WDR74: variants seen among roughly 807,000 people sequenced by gnomAD.
WDR74 encodes WD repeat-containing protein 74.
A neutral mutation model predicts 45.6 loss-of-function variants in WDR74; 31 were observed. That is an observed-to-expected ratio of 0.68 (90% CI 0.51 to 0.92). The LOEUF is 0.92. Ranked by LOEUF, WDR74 falls within the 40% of genes least tolerant of loss-of-function variation. WDR74 has a pLI of 0.00. For synonymous variants in WDR74, 191 were observed against 192.4 expected, an observed-to-expected ratio of 0.99 and a Z score of 0.06; for missense variants, 455 against 497.2, an observed-to-expected ratio of 0.92 and a Z score of 0.81.
intron 8 of WDR74, 37 bp from the exon 9 acceptor site, chr11:62,833,974 G>A: frequency 6.2e-7 from 1 of 1,604,412 alleles, no homozygotes; most frequent in Non-Finnish European, 8.5e-7. Context: ...TAACTGGCTG[G>A]CCAATAACCA....
intron 8 of WDR74, 33 bp downstream of exon 8, chr11:62,834,243 T>TGA: frequency 6.2e-7 from 1 of 1,613,794 alleles, no homozygotes; most frequent in African/African-American, 1.3e-5. Flanking sequence ...TCCCTGCTCC[T>TGA]TCCTTTCCCC....
chr11:62,835,255 C>G (rs2084941065), intron 6 of WDR74, 176 bp downstream of exon 6: 1 of 610,910 alleles, frequency 1.6e-6, no homozygotes, highest in East Asian at 2.8e-5. Flanking sequence ...GAAACTCCAC[C>G]CTAGAATACA....
At chr11:62,838,341 G>A (rs2084989333) in intron 3 of WDR74, among the ~76,000 whole-genome samples, 1 of 151,598 alleles carries the variant, frequency 6.6e-6, no homozygotes, top group Non-Finnish European at 1.5e-5. Flanking sequence ...TTTTAGTAGA[G>A]AAGGGGTTTT....
rs746199182 is a variant in WDR74, at chr11:62,835,419, G to A, written c.618+12C>T. 5.6e-6 allele frequency: 9 copies of A among 1,612,150 alleles called. No individual in the cohort carries two copies. The highest frequency in any genetic ancestry group is 1.3e-5 in the African/African-American group (1 of 74,866). ...TATCCCAGGAGAAGGCAGGTGTGAG[G>A]TGACACCTTACCTGGTGGTACCCTG... On this transcript the variant is annotated intron_variant, in intron 6 of 10. Coordinates refer to ENST00000278856, the MANE Select transcript of WDR74 (RefSeq NM_001369450.1).
chr11:62,841,772 T>A (rs2085067048), upstream of WDR74: 1 of 152,332 alleles, frequency 6.6e-6, no homozygotes, highest in Non-Finnish European at 1.5e-5. Flanking sequence ...TAAGAACAGA[T>A]ACTACACTTG....
chr11:62,832,974 C>A lies in WDR74; in HGVS notation c.1136G>T (p.Arg379Leu). 1 of 1,606,642 alleles carries A rather than the reference C, an allele frequency of 6.2e-7. No individual in the cohort carries two copies. Among genetic ancestry groups the A allele is most frequent in the South Asian group, 1.1e-5 (1 of 90,358 alleles). ...GCGTCAGGGGCTGGTGGACCCAGGC[C>A]GCTTCTTCTTTCTCCGTCTCGTTTG... is the stretch of plus-strand genomic sequence containing the variant. ...ALQTRRRKKK[R>L]PGSTSP is the part of the protein sequence containing the mutation. The change falls in exon 11 of 11, where the codon CGG becomes CTG. Residue 379 changes from arginine (R) to leucine (L), a missense_variant. Transcript: ENST00000278856.
At chr11:62,834,776 A>C in intron 6 of WDR74, 1 of 500,294 alleles carries the variant, frequency 2.0e-6, no homozygotes, top group Non-Finnish European at 3.6e-6. Context: ...CCATCCCCCC[A>C]TACTCCCATC....
At chr11:62,841,678 G>T (rs538935251), upstream of WDR74, 1 of 152,050 alleles carries the variant, frequency 6.6e-6, no homozygotes, top group Non-Finnish European at 1.5e-5. Flanking sequence ...AGTGGACGGA[G>T]CAAGCTCCTA....
At chr11:62,837,644 A>C (rs2084979077) in intron 3 of WDR74, among the ~76,000 whole-genome samples, 1 of 151,938 alleles carries the variant, frequency 6.6e-6, no homozygotes, top group African/African-American at 2.4e-5. Flanking sequence ...GAATACCCTT[A>C]TCCCCTTCTC....
upstream of WDR74, chr11:62,841,696 T>G (rs563306352): frequency 6.6e-6 from 1 of 152,208 alleles, no homozygotes; most frequent in Non-Finnish European, 1.5e-5. Context: ...CTATTCCATC[T>G]CCTATTTCCA....
At chr11:62,836,253 G>C in intron 3 of WDR74, 2 of 513,658 alleles carry the variant, frequency 3.9e-6, no homozygotes, top group Admixed American at 3.2e-5. Flanking sequence ...GGGCTTGACA[G>C]CTTCCAGCTT....
upstream of WDR74, chr11:62,841,512 G>A (rs17157579): frequency 1.1e-4 from 16 of 152,186 alleles, no homozygotes; most frequent in Non-Finnish European, 1.5e-4. Flanking sequence ...CAACACACTA[G>A]CGATAAAAAC....
chr11:62,839,443 C>G lies in WDR74; in HGVS notation c.65-15G>C. The G allele has an allele frequency of 6.2e-7, 1 of 1,613,534 alleles. No homozygotes were observed. ...AAGATTTACCCCTGAGAGACGAAGGCGTCAGTCACGCCAGGGGCGCGAGTG... is the reference window on the plus strand; with the variant it reads ...AAGATTTACCCCTGAGAGACGAAGGGGTCAGTCACGCCAGGGGCGCGAGTG... On this transcript the variant is annotated splice_polypyrimidine_tract_variant and intron_variant, in intron 1 of 10. Transcript: ENST00000278856.
chr11:62,839,471 C>A (rs1198620999), intron 1 of WDR74, 36 bp downstream of exon 1: 6 of 1,613,634 alleles, frequency 3.7e-6, no homozygotes, highest in Non-Finnish European at 3.4e-6. Flanking sequence ...CGCGAGTGCA[C>A]CCCTGCACTT....
chr11:62,834,218 G>A (rs1187759384), intron 8 of WDR74, 58 bp downstream of exon 8: 5 of 1,611,202 alleles, frequency 3.1e-6, no homozygotes, highest in African/African-American at 1.3e-5. Flanking sequence ...ACCTTAGAGG[G>A]AATCCTGACC....
Position 62,839,528 on chromosome 11 carries a change from T to G in WDR74, c.43A>C (p.Thr15Pro). The G allele has an allele frequency of 6.2e-7, 1 of 1,613,588 alleles. No homozygotes were observed. Among genetic ancestry groups the G allele is most frequent in the Non-Finnish European group, 8.5e-7 (1 of 1,179,832 alleles). The change falls in exon 1 of 11, where the codon ACC becomes CCC. Residue 15 changes from threonine to proline, a missense_variant. By Grantham distance (38) the Thr-to-Pro change is conservative. Coordinates refer to ENST00000278856, the MANE Select transcript of WDR74 (RefSeq NM_001369450.1). ...CCACCTTTCAAGATCCCAGTCTCGG[T>G]GCCGACCCACACATGGTTCCAGCGT... The part of the protein sequence containing the change: ...AARWNHVWVG[T>P]ETGILKGVNL...
chr11:62,841,563 T>A (rs868532293), upstream of WDR74: 1 of 152,114 alleles, frequency 6.6e-6, no homozygotes, highest in Non-Finnish European at 1.5e-5. Flanking sequence ...ACTATTTAGC[T>A]TGTACCCTAA....
chr11:62,834,068 T>C (rs2084921611), intron 8 of WDR74, 131 bp from the exon 9 acceptor site: 5 of 1,452,094 alleles, frequency 3.4e-6, no homozygotes, highest in Non-Finnish European at 3.7e-6. Context: ...CTTCTACTAA[T>C]ATTTCCATTT....
intron 3 of WDR74, among the ~76,000 whole-genome samples, chr11:62,836,948 T>C (rs2134890027): frequency 6.6e-6 from 1 of 152,086 alleles, no homozygotes; most frequent in East Asian, 1.9e-4. Context: ...TGGTGGTACA[T>C]GCCTGTAGTC....
Sources: gnomAD v4.1 joint callset for allele counts (sites outside exome capture counted in the v4.1 genomes callset) on GRCh38, gnomAD v4.1.1 for gene constraint, MANE v1.5 for transcripts, NCBI Gene and HGNC (gene_info 2026-07-23, HGNC 2026-07-21) for gene names.